FRMD4A: variants seen among roughly 807,000 people sequenced by gnomAD.
FRMD4A encodes the protein FERM domain containing 4A, also known as FERM domain-containing protein 4A.
FRMD4A carries 29 observed loss-of-function variants against 129.1 expected under a neutral mutation model. The ratio of observed to expected loss-of-function variants is 0.22; its 90% CI spans 0.17 to 0.31. The LOEUF (loss-of-function observed/expected upper bound fraction) is 0.31, where lower values mean the gene tolerates loss of function less well. Among genes scored for constraint, FRMD4A ranks in the 10% least tolerant of loss-of-function variants. The pLI is 1.00. For missense variants in FRMD4A, 1,272 were observed against 1,375.8 expected, an observed-to-expected ratio of 0.92 and a Z score of 1.19; for synonymous variants, 634 against 571.6, an observed-to-expected ratio of 1.11 and a Z score of -1.56.
chr10:14,279,890 C>T (rs911423552), intron 2 of FRMD4A, among the ~76,000 whole-genome samples: 1 of 152,222 alleles, frequency 6.6e-6, no homozygotes, highest in Non-Finnish European at 1.5e-5. Context: ...ATAACCACTC[C>T]ACATTATTGC....
chr10:14,110,147 A>AAAAAAAAAAG (rs1837821960), intron 2 of FRMD4A, among the ~76,000 whole-genome samples: 1 of 149,022 alleles, frequency 6.7e-6, no homozygotes, highest in South Asian at 2.1e-4. Flanking sequence ...AAAAAAAAAA[A>AAAAAAAAAAG]GCTCTTTTCT....
chr10:13,853,746 C>A (rs1198773379), intron 3 of FRMD4A, among the ~76,000 whole-genome samples: 3 of 144,226 alleles, frequency 2.1e-5, no homozygotes, highest in African/African-American at 7.8e-5. Flanking sequence ...GACAGGAGAT[C>A]GTTTGAACCC....
rs61555640 is a variant in FRMD4A, at chr10:13,967,546, A to G, written c.46-108634T>C. Reference sequence around the variant, plus strand: ...AACCTATGGAAATAAGAAATTTTAAAAAAACAAAAACAAAAACAAAAAGCA... The same window carrying G: ...AACCTATGGAAATAAGAAATTTTAAGAAAACAAAAACAAAAACAAAAAGCA... On this transcript the variant is annotated intron_variant, in intron 2 of 24. Transcript: ENST00000357447. Among the ~76,000 whole-genome samples, 120 of 152,276 alleles carry G rather than the reference A, an allele frequency of 7.9e-4. 2 individuals are homozygous for G. The highest frequency in any genetic ancestry group is 2.8e-3 in the African/African-American group (118 of 41,554).
intron 2 of FRMD4A, among the ~76,000 whole-genome samples, chr10:14,157,287 C>T (rs769215627): frequency 4.6e-4 from 70 of 152,272 alleles, no homozygotes; most frequent in Non-Finnish European, 7.6e-4. Flanking sequence ...CCTAGTGGAC[C>T]CCATGACCTA....
intron 2 of FRMD4A, among the ~76,000 whole-genome samples, chr10:13,877,654 C>T (rs1387087895): frequency 9.9e-5 from 15 of 152,226 alleles, no homozygotes; most frequent in Admixed American, 9.2e-4. Flanking sequence ...TAGAGGCTAC[C>T]GCCTTTCTGT....
intron 2 of FRMD4A, among the ~76,000 whole-genome samples, chr10:13,973,171 G>C (rs2095527394): frequency 6.6e-6 from 1 of 152,170 alleles, no homozygotes; most frequent in South Asian, 2.1e-4. Context: ...GGATAATAAA[G>C]ACCATGGCAT....
chr10:13,786,388 T>G (rs188275578), intron 5 of FRMD4A, among the ~76,000 whole-genome samples: 4 of 152,160 alleles, frequency 2.6e-5, no homozygotes, highest in African/African-American at 9.7e-5. Flanking sequence ...GTGGATCAAC[T>G]GAGGTCAGGA....
At chr10:14,137,414 A>T (rs1324004823) in intron 2 of FRMD4A, among the ~76,000 whole-genome samples, 1 of 152,220 alleles carries the variant, frequency 6.6e-6, no homozygotes, top group African/African-American at 2.4e-5. Flanking sequence ...TGACTGAAAG[A>T]AAGCTTTGAG....
intron 2 of FRMD4A, among the ~76,000 whole-genome samples, chr10:13,907,736 C>G (rs1438538730): frequency 4.6e-5 from 7 of 152,102 alleles, no homozygotes; most frequent in Non-Finnish European, 1.0e-4. Context: ...TGTCACCTGC[C>G]AGGATCAGTG....
At chr10:14,185,190 A>G (rs1842047764) in intron 2 of FRMD4A, among the ~76,000 whole-genome samples, 1 of 152,218 alleles carries the variant, frequency 6.6e-6, no homozygotes, top group African/African-American at 2.4e-5. Flanking sequence ...TTATGTGTAT[A>G]ATGTGGTGTA....
intron 9 of FRMD4A, among the ~76,000 whole-genome samples, chr10:13,741,085 C>A (rs559312796): frequency 6.6e-6 from 1 of 152,236 alleles, no homozygotes; most frequent in Admixed American, 6.5e-5. Context: ...CCTTGGCCTC[C>A]CAAAGTACTG....
At chr10:13,652,337 C>T (rs565595605) in intron 23 of FRMD4A, 7 of 270,574 alleles carry the variant, frequency 2.6e-5, no homozygotes, top group African/African-American at 1.3e-4. Context: ...GCATAGGACC[C>T]TGAGGAGGGC....
chr10:13,845,671 T>C (rs552590875), intron 3 of FRMD4A, among the ~76,000 whole-genome samples: 5 of 152,116 alleles, frequency 3.3e-5, no homozygotes, highest in Admixed American at 1.3e-4. Flanking sequence ...TGCCAGACAG[T>C]CTTGGGGGCG....
At chr10:14,143,143 A>G (rs1245159430) in intron 2 of FRMD4A, among the ~76,000 whole-genome samples, 1 of 152,260 alleles carries the variant, frequency 6.6e-6, no homozygotes, top group African/African-American at 2.4e-5. Context: ...GCATGAGCCA[A>G]AAGAACTGAA....
At chr10:13,922,474 G>C (rs1479991564) in intron 2 of FRMD4A, among the ~76,000 whole-genome samples, 4 of 152,136 alleles carry the variant, frequency 2.6e-5, no homozygotes, top group Non-Finnish European at 4.4e-5. Flanking sequence ...TAAATGACTG[G>C]TTTAAGGTCA....
chr10:14,190,241 C>T (rs1842276305), intron 2 of FRMD4A, among the ~76,000 whole-genome samples: 1 of 152,200 alleles, frequency 6.6e-6, no homozygotes, highest in Admixed American at 6.5e-5. Flanking sequence ...GTAGTTTCTT[C>T]ACAGCAAATG....
At chr10:14,003,159 C>T (rs2095648823) in intron 2 of FRMD4A, among the ~76,000 whole-genome samples, 1 of 152,100 alleles carries the variant, frequency 6.6e-6, no homozygotes, top group East Asian at 1.9e-4. Context: ...AGGCAACACG[C>T]AGGCAAGAGA....
chr10:14,177,556 C>A (rs1841775660), intron 2 of FRMD4A, among the ~76,000 whole-genome samples: 1 of 152,150 alleles, frequency 6.6e-6, no homozygotes, highest in Non-Finnish European at 1.5e-5. Flanking sequence ...TGCCCCGCTG[C>A]CTCCTGGCCC....
Position 13,657,142 on chromosome 10 carries a change from G to A in FRMD4A, c.2447C>T (p.Ala816Val), listed in dbSNP as rs762602051. 33 of 738,012 alleles carry A rather than the reference G, an allele frequency of 4.5e-5. No homozygotes were observed. The highest frequency in any genetic ancestry group is 3.1e-4 in the Admixed American group (11 of 35,270). 45.7% of individuals were successfully genotyped at this position (738,012 alleles called of 1,614,324 possible). A position where few individuals can be genotyped will look rare whatever the true frequency, so the allele number is the denominator to read the frequency against. ...ARGGAGGAGG[A>V]GGGVYLHSQS... ...GCTGTGCAGGTACACACCGCCCCCC[G>A]CGCCCCCCGCGCCCCCCGCACCCCC... is the stretch of plus-strand genomic sequence containing the variant. Residue 816 changes from alanine to valine, a missense_variant, in exon 22 of 25, where the codon GCG (alanine) becomes GTG (valine). By Grantham distance (64) the Ala-to-Val change is moderately conservative. Coordinates refer to ENST00000357447, the MANE Select transcript of FRMD4A (RefSeq NM_018027.5).
Sources: gnomAD v4.1 joint callset for allele counts (sites outside exome capture counted in the v4.1 genomes callset) on GRCh38, gnomAD v4.1.1 for gene constraint, MANE v1.5 for transcripts, NCBI Gene and HGNC (gene_info 2026-07-23, HGNC 2026-07-21) for gene names.